SELENOO: variants seen among roughly 807,000 people sequenced by gnomAD.
The protein encoded by SELENOO is protein adenylyltransferase SelO, mitochondrial.
A neutral mutation model predicts 58.7 loss-of-function variants in SELENOO; 74 were observed. That is an observed-to-expected ratio of 1.26 (90% CI 1.04 to 1.53). The LOEUF is 1.53. Ranked by LOEUF, SELENOO falls within the 40% of genes most tolerant of loss-of-function variation. SELENOO has a pLI of 0.00. For missense variants in SELENOO, 1,149 were observed against 970.0 expected, an observed-to-expected ratio of 1.18 and a Z score of -2.45; for synonymous variants, 543 against 453.2, an observed-to-expected ratio of 1.20 and a Z score of -2.52.
rs377533480 is a variant in SELENOO, at chr22:50,212,765, C to T, written c.1351+1854C>T. 3.4e-4 allele frequency among the ~76,000 whole-genome samples: 51 copies of T among 150,874 alleles called. No homozygotes were observed. In the East Asian group the frequency reaches 7.8e-3, roughly 23 times the overall value. Reference sequence around the variant, plus strand: ...TCTTCGTGTAAGTGGAGTTACGCAGCGTGCGCCTGTTTCTTCAGTCTGTTG... The same window carrying T: ...TCTTCGTGTAAGTGGAGTTACGCAGTGTGCGCCTGTTTCTTCAGTCTGTTG... On this transcript the variant is annotated intron_variant, in intron 5 of 8. Transcript: ENST00000380903.
chr22:50,201,113 C>T lies in SELENOO; in HGVS notation c.77C>T (p.Ser26Leu), dbSNP rs768040857. 9 of 1,341,464 alleles carry T rather than the reference C, an allele frequency of 6.7e-6. No individual in the cohort carries two copies. Among genetic ancestry groups the T allele is most frequent in the African/African-American group, 1.5e-5 (1 of 64,896 alleles). 83.1% of individuals were successfully genotyped at this position (1,341,464 alleles called of 1,614,324 possible). Residue 26 changes from serine (S) to leucine (L), a missense_variant, in exon 1 of 9, where the codon TCG becomes TTG. Physicochemically the swap from Ser to Leu is moderately radical, Grantham distance 145. Transcript: ENST00000380903. ...TTGCCCCTCGGTCGCTGTTCCCCGT[C>T]GCCGGCGCCCCGCTCTACGTTGTCG... Reference protein sequence around the residue: ...RLLPLGRCSPSPAPRSTLSGA... With the variant: ...RLLPLGRCSPLPAPRSTLSGA...
Position 50,210,749 on chromosome 22 carries a change from C to A in SELENOO, c.1189C>A (p.Leu397Met). Residue 397 changes from leucine to methionine, a missense_variant, in exon 5 of 9, where the codon CTG becomes ATG. Transcript: ENST00000380903. The stretch of plus-strand genomic sequence containing the variant: ...GCTGGCCGAGGCCCTGCAGCCGGAA[C>A]TGCCCCTGGAGCTGGGGGAGGCCAT... ...RKLAEALQPELPLELGEAILA... is the reference protein window; with the variant it reads ...RKLAEALQPEMPLELGEAILA... The A allele has an allele frequency of 6.2e-7, 1 of 1,613,702 alleles. No homozygotes were observed. The highest frequency in any genetic ancestry group is 8.5e-7 in the Non-Finnish European group (1 of 1,180,016).
At chr22:50,213,604 G>A (rs2147165488) in intron 5 of SELENOO, among the ~76,000 whole-genome samples, 1 of 152,114 alleles carries the variant, frequency 6.6e-6, no homozygotes, top group East Asian at 1.9e-4. Flanking sequence ...TGTTGGTTTA[G>A]GCTGTTGTTC....
At chr22:50,206,275 C>G in intron 1 of SELENOO, 42 bp from the exon 2 acceptor site, 1 of 1,578,586 alleles carries the variant, frequency 6.3e-7, no homozygotes, top group South Asian at 1.1e-5. Context: ...GTTGGGTGAC[C>G]TCCTGACCGG....
At chr22:50,217,172 C>T (rs1466917321) in intron 8 of SELENOO, 33 bp from the exon 9 acceptor site, 3 of 1,611,278 alleles carry the variant, frequency 1.9e-6, no homozygotes, top group Non-Finnish European at 2.5e-6. Context: ...GGGGGGTCGG[C>T]CCCAGACCCC....
chr22:50,206,893 G>GA (rs1332539044), intron 2 of SELENOO, among the ~76,000 whole-genome samples: 2 of 56,050 alleles, frequency 3.6e-5, no homozygotes, highest in African/African-American at 7.7e-5. Flanking sequence ...TGGTGCTTCT[G>GA]GGGGGGAGGG....
rs554262842 is a variant in SELENOO, at chr22:50,204,031, T to C, written c.555-2286T>C. Among the ~76,000 whole-genome samples, 49 of 152,324 alleles carry C rather than the reference T, an allele frequency of 3.2e-4. 1 individual carries two copies. The East Asian group carries it at 8.7e-3, about 27-fold the overall frequency. On this transcript the variant is annotated intron_variant, in intron 1 of 8. Transcript: ENST00000380903. ...ATTCAAAAATGGACAAGTATTTGAATAGACATTTCTTCAAAGATGTGGCCA... is the reference window on the plus strand; with the variant it reads ...ATTCAAAAATGGACAAGTATTTGAACAGACATTTCTTCAAAGATGTGGCCA...
At chr22:50,216,913 G>T (rs773497869) in intron 7 of SELENOO, 37 bp downstream of exon 7, 1 of 1,601,970 alleles carries the variant, frequency 6.2e-7, no homozygotes, top group African/African-American at 1.3e-5. Context: ...GGGACGGCGG[G>T]TCGCGTGCTG....
At chr22:50,203,379 A>G (rs1233983522) in intron 1 of SELENOO, among the ~76,000 whole-genome samples, 1 of 152,198 alleles carries the variant, frequency 6.6e-6, no homozygotes, top group Non-Finnish European at 1.5e-5. Context: ...CTGTCTCAAA[A>G]AGTAATACAA....
At chr22:50,207,413 C>T (rs904565607) in intron 2 of SELENOO, among the ~76,000 whole-genome samples, 3 of 152,108 alleles carry the variant, frequency 2.0e-5, no homozygotes, top group East Asian at 1.9e-4. Flanking sequence ...CCTGAGCCAC[C>T]GCGCCCGGCC....
chr22:50,216,039 G>A (rs1020538039), intron 6 of SELENOO, among the ~76,000 whole-genome samples, 172 bp downstream of exon 6: 6 of 152,170 alleles, frequency 3.9e-5, no homozygotes, highest in Admixed American at 2.6e-4. Context: ...TGCTGGGGCC[G>A]GTTGGTCACA....
intron 4 of SELENOO, 27 bp from the exon 5 acceptor site, chr22:50,210,604 G>C: frequency 6.2e-7 from 1 of 1,612,624 alleles, no homozygotes; most frequent in Non-Finnish European, 8.5e-7. Flanking sequence ...CTCAGGCAGG[G>C]CGTGGCTCTC....
At chr22:50,216,931 T>C in intron 7 of SELENOO, 41 bp from the exon 8 acceptor site, 1 of 1,602,824 alleles carries the variant, frequency 6.2e-7, no homozygotes, top group South Asian at 1.1e-5. Flanking sequence ...CTGGAAAAAG[T>C]CCAGCCCGGC....
intron 6 of SELENOO, 97 bp from the exon 7 acceptor site, chr22:50,216,594 G>A (rs1225379193): frequency 3.3e-6 from 4 of 1,195,764 alleles, no homozygotes; most frequent in Non-Finnish European, 4.7e-6. Context: ...TGGACTCTAG[G>A]TGAGCCGTGA....
In SELENOO at chr22:50,210,779, G is replaced by A; in HGVS notation, c.1219G>A (p.Ala407Thr). The change falls in exon 5 of 9, where the codon GCC (alanine) becomes ACC (threonine). Residue 407 changes from alanine to threonine, a missense_variant. Coordinates refer to ENST00000380903, the MANE Select transcript of SELENOO (RefSeq NM_031454.2). ...LPLELGEAIL[A>T]EEFDAEFQRH... The stretch of plus-strand genomic sequence containing the variant: ...CCTGGAGCTGGGGGAGGCCATCCTG[G>A]CCGAGGAGTTTGACGCCGAGTTCCA... The A allele has an allele frequency of 6.2e-7, 1 of 1,613,890 alleles. No individual in the cohort carries two copies. Among genetic ancestry groups the A allele is most frequent in the South Asian group, 1.1e-5 (1 of 91,086 alleles).
rs374532602 is a variant in SELENOO, at chr22:50,217,373, C to T, written c.*4C>T. 1.2e-5 allele frequency: 20 copies of T among 1,612,408 alleles called. No individual in the cohort carries two copies. In the African/African-American group the frequency reaches 2.4e-4, roughly 19 times the overall value. ...GTGCGTGACATGATCTTCGTAACGG[C>T]CTCGGCACGCTCCACACCCCTGGAG... On this transcript the variant is annotated 3_prime_UTR_variant, in exon 9 of 9. Coordinates refer to ENST00000380903, the MANE Select transcript of SELENOO (RefSeq NM_031454.2).
chr22:50,215,872 G>A lies in SELENOO; in HGVS notation c.1502+5G>A. 6.3e-7 allele frequency: 1 copy of A among 1,597,268 alleles called. No individual in the cohort carries two copies. Among genetic ancestry groups the A allele is most frequent in the Non-Finnish European group, 8.6e-7 (1 of 1,169,266 alleles). On this transcript the variant is annotated splice_donor_5th_base_variant and intron_variant, in intron 6 of 8. Transcript: ENST00000380903. ...CCGGCCCCAGATGGATCCCCGGTGG[G>A]TACTCAGTTCCTACTTCTTTGGATT...
At chr22:50,201,780 C>T (rs1012898507) in intron 1 of SELENOO, among the ~76,000 whole-genome samples, 190 bp downstream of exon 1, 3 of 152,264 alleles carry the variant, frequency 2.0e-5, no homozygotes, top group African/African-American at 7.2e-5. Flanking sequence ...TTGGAGTCAG[C>T]TCCACCAGGG....
At chr22:50,202,062 G>A (rs2064306403) in intron 1 of SELENOO, among the ~76,000 whole-genome samples, 1 of 152,234 alleles carries the variant, frequency 6.6e-6, no homozygotes, top group Non-Finnish European at 1.5e-5. Flanking sequence ...GGTCTAATAA[G>A]GCAGGATCTG....
Sources: gnomAD v4.1 joint callset for allele counts (sites outside exome capture counted in the v4.1 genomes callset) on GRCh38, gnomAD v4.1.1 for gene constraint, MANE v1.5 for transcripts, NCBI Gene and HGNC (gene_info 2026-07-23, HGNC 2026-07-21) for gene names.